Variants in ATR observed in about 807,000 individuals in gnomAD.
ATR encodes serine/threonine-protein kinase ATR.
Under a neutral mutation model 305.3 loss-of-function variants are expected in ATR, and 142 were observed. The ratio of observed to expected loss-of-function variants is 0.47; its 90% CI spans 0.41 to 0.53. The LOEUF is 0.53. ATR is among the 20% of genes least tolerant of loss of function. ATR has a pLI of 0.00. For synonymous variants in ATR, 1,050 were observed against 1,068.1 expected, an observed-to-expected ratio of 0.98 and a Z score of 0.33; for missense variants, 2,135 against 3,133.1, an observed-to-expected ratio of 0.68 and a Z score of 7.60.
At chr3:142,553,084 C>CTGCA in intron 13 of ATR, 143 bp downstream of exon 13, 2 of 1,087,922 alleles carry the variant, frequency 1.8e-6, no homozygotes, top group Non-Finnish European at 2.6e-6. Context: ...CCTCTACATG[C>CTGCA]TGCAATATAC....
At chr3:142,509,137 A>G (rs917702355) in intron 27 of ATR, among the ~76,000 whole-genome samples, 2 of 152,116 alleles carry the variant, frequency 1.3e-5, no homozygotes, top group South Asian at 4.1e-4. Flanking sequence ...CAAAATTTAA[A>G]TAAGGCAGTA....
chr3:142,467,784 A>G, intron 39 of ATR, 150 bp downstream of exon 39: 1 of 898,840 alleles, frequency 1.1e-6, no homozygotes, highest in Non-Finnish European at 1.6e-6. Context: ...CTTTATTAAG[A>G]CAAATCATAC....
intron 13 of ATR, among the ~76,000 whole-genome samples, chr3:142,552,918 T>C (rs2034526732): frequency 7.0e-6 from 1 of 141,916 alleles, no homozygotes; most frequent in Non-Finnish European, 1.5e-5. Context: ...TGAGAACACA[T>C]GGACACATGG....
chr3:142,530,870 A>G (rs1256661524), intron 21 of ATR, among the ~76,000 whole-genome samples: 4 of 152,078 alleles, frequency 2.6e-5, no homozygotes, highest in Admixed American at 2.6e-4. Flanking sequence ...GACATACCAC[A>G]TCCTGGACTT....
chr3:142,451,339 A>T, intron 46 of ATR: 1 of 1,306,768 alleles, frequency 7.7e-7, no homozygotes, highest in South Asian at 1.3e-5. Flanking sequence ...GCAACAAAAA[A>T]TTTTCAAGAT....
intron 16 of ATR, among the ~76,000 whole-genome samples, chr3:142,545,879 A>AG (rs1447069304): frequency 6.6e-6 from 1 of 152,208 alleles, no homozygotes; most frequent in Non-Finnish European, 1.5e-5. Flanking sequence ...AAAGACTGGG[A>AG]GAAAAACAGA....
chr3:142,563,997 T>C (rs1329664683), intron 3 of ATR, among the ~76,000 whole-genome samples: 1 of 152,178 alleles, frequency 6.6e-6, no homozygotes, highest in African/African-American at 2.4e-5. Flanking sequence ...AGCCACAACA[T>C]TCCCTTAAGC....
At chr3:142,469,196 C>T (rs1209509524) in intron 38 of ATR, 141 bp downstream of exon 38, 5 of 623,960 alleles carry the variant, frequency 8.0e-6, no homozygotes, top group Non-Finnish European at 5.3e-6. Flanking sequence ...AAATTTCTCT[C>T]TTTAAAAAAA....
At chr3:142,531,654 A>T (rs1194597044) in intron 21 of ATR, among the ~76,000 whole-genome samples, 1 of 152,272 alleles carries the variant, frequency 6.6e-6, no homozygotes, top group Non-Finnish European at 1.5e-5. Context: ...TCAGTCTATC[A>T]TTCTTGGACA....
At position 142,558,707 on chromosome 3, in the gene ATR, G is replaced by A. The variant is rs2108477665; in HGVS notation, c.1802C>T (p.Ser601Phe). 1 of 1,612,570 alleles carries A rather than the reference G, an allele frequency of 6.2e-7. No individual in the cohort carries two copies. Among genetic ancestry groups the A allele is most frequent in the Non-Finnish European group, 8.5e-7 (1 of 1,178,924 alleles). ...CGMLSLPWIY[S>F]HSDDGCLKLT... ...CTTTAAACAGCCATCATCAGAATGGGAATAAATCCATGGAAGTGAGAGCAT... is the reference window on the plus strand; with the variant it reads ...CTTTAAACAGCCATCATCAGAATGGAAATAAATCCATGGAAGTGAGAGCAT... Residue 601 changes from serine (S) to phenylalanine (F), a missense_variant, in exon 8 of 47, where the codon TCC becomes TTC. By Grantham distance (155) the Ser-to-Phe change is radical (BLOSUM62 -2). This residue lies in a region of ATR where 744 missense variants were observed against 873.2 expected (regional missense o/e 0.85). Coordinates refer to ENST00000350721, the MANE Select transcript of ATR (RefSeq NM_001184.4).
intron 45 of ATR, among the ~76,000 whole-genome samples, chr3:142,457,354 T>C (rs1229393425): frequency 3.3e-5 from 5 of 152,164 alleles, no homozygotes; most frequent in Non-Finnish European, 5.9e-5. Flanking sequence ...CTTTTTGGGC[T>C]GATGAAAATG....
At chr3:142,569,357 G>A (rs6776402) in intron 1 of ATR, among the ~76,000 whole-genome samples, 51,328 of 151,872 alleles carry the variant, frequency 0.34, 9,195 homozygotes, top group Middle Eastern at 0.44. Flanking sequence ...GTCTAACCCT[G>A]TTGCCCAGGT....
chr3:142,552,801 C>T (rs1044768995), intron 13 of ATR, among the ~76,000 whole-genome samples: 3 of 151,974 alleles, frequency 2.0e-5, no homozygotes, highest in African/African-American at 7.3e-5. Context: ...AGATCATGTC[C>T]TTTGCAGGGA....
chr3:142,455,800 G>A (rs1436645809), intron 45 of ATR, among the ~76,000 whole-genome samples: 1 of 152,156 alleles, frequency 6.6e-6, no homozygotes, highest in African/African-American at 2.4e-5. Context: ...GAACACATAG[G>A]TGTAAATCTT....
intron 25 of ATR, among the ~76,000 whole-genome samples, chr3:142,514,588 C>T (rs1470145723): frequency 4.0e-5 from 6 of 149,970 alleles, no homozygotes; most frequent in Non-Finnish European, 3.0e-5. Flanking sequence ...GAGCTGAGAT[C>T]GCGCCACTGC....
At chr3:142,476,046 C>T (rs566025358) in intron 36 of ATR, among the ~76,000 whole-genome samples, 1 of 152,200 alleles carries the variant, frequency 6.6e-6, no homozygotes, top group East Asian at 1.9e-4. Flanking sequence ...CTGTAAGTTG[C>T]CTGTTCACTC....
chr3:142,541,429 C>T (rs1170300397), intron 17 of ATR, among the ~76,000 whole-genome samples: 1 of 152,050 alleles, frequency 6.6e-6, no homozygotes, highest in Non-Finnish European at 1.5e-5. Flanking sequence ...GACCATATAA[C>T]AATTTTTGTA....
At chr3:142,450,765 C>A in intron 46 of ATR, 1 of 1,490,468 alleles carries the variant, frequency 6.7e-7, no homozygotes, top group Non-Finnish European at 9.0e-7. Context: ...ACCCTAATAT[C>A]ATTCGTTATC....
chr3:142,550,507 T>C (rs1241182631), intron 13 of ATR, among the ~76,000 whole-genome samples: 2 of 152,220 alleles, frequency 1.3e-5, no homozygotes, highest in African/African-American at 2.4e-5. Context: ...GTTAAAAAAC[T>C]TGAATATCAT....
Sources: allele counts gnomAD v4.1 joint callset (sites outside exome capture counted in the v4.1 genomes callset), GRCh38; gene constraint gnomAD v4.1.1; regional missense constraint gnomAD v4.1.1; transcripts MANE v1.5; gene names NCBI Gene and HGNC (gene_info 2026-07-23, HGNC 2026-07-21).